Variants in PAPOLA observed in about 807,000 individuals in gnomAD.
The protein encoded by PAPOLA is polynucleotide adenylyltransferase alpha.
In PAPOLA, 15 loss-of-function variants were observed where a neutral mutation model predicts 100.6. The observed-to-expected ratio is 0.15, with a 90% CI of 0.10 to 0.23. The LOEUF (loss-of-function observed/expected upper bound fraction) is 0.23. Ranked by LOEUF, PAPOLA falls within the 10% of genes least tolerant of loss-of-function variation. The pLI is 1.00. For synonymous variants in PAPOLA, 293 were observed against 300.0 expected (o/e 0.98, Z 0.24); for missense variants, 533 against 884.2 (o/e 0.60, Z 5.04).
intron 3 of PAPOLA, 110 bp downstream of exon 3, chr14:96,521,182 G>T (rs1389831749): frequency 1.5e-6 from 1 of 672,904 alleles, no homozygotes; most frequent in African/African-American, 1.8e-5. Flanking sequence ...CTTTAATGTG[G>T]AGTCAATTTT....
At chr14:96,512,395 T>A (rs1897162857) in intron 1 of PAPOLA, among the ~76,000 whole-genome samples, 1 of 152,112 alleles carries the variant, frequency 6.6e-6, no homozygotes, top group Non-Finnish European at 1.5e-5. Flanking sequence ...AATATATATC[T>A]TTATCTATAT....
chr14:96,524,566 G>C (rs1279695849), intron 3 of PAPOLA, among the ~76,000 whole-genome samples: 1 of 151,516 alleles, frequency 6.6e-6, no homozygotes, highest in Non-Finnish European at 1.5e-5. Context: ...CTGTCGCCCA[G>C]GCTAGAGTGC....
chr14:96,528,943 T>C (rs1183734547), intron 6 of PAPOLA, among the ~76,000 whole-genome samples: 3 of 152,200 alleles, frequency 2.0e-5, no homozygotes, highest in Non-Finnish European at 4.4e-5. Flanking sequence ...ATCTGTAATA[T>C]AAAGTATAAG....
Position 96,531,596 on chromosome 14 carries a change from A to C in PAPOLA, c.607+10A>C. On this transcript the variant is annotated intron_variant, in intron 7 of 21. Transcript: ENST00000216277. ...ATAAGAAGTCTTAACGGTATGAGAA[A>C]GCCTACTTCCTTTTGTGTACTTCAG... 1 of 1,593,632 alleles carries C rather than the reference A, an allele frequency of 6.3e-7. No homozygotes were observed.
chr14:96,563,671 T>G (rs1902051642), intron 21 of PAPOLA, among the ~76,000 whole-genome samples: 1 of 152,218 alleles, frequency 6.6e-6, no homozygotes, highest in Non-Finnish European at 1.5e-5. Flanking sequence ...TATTTTAACG[T>G]GATCATTTAA....
At chr14:96,532,086 T>C (rs1899067137) in intron 7 of PAPOLA, 2 of 1,296,274 alleles carry the variant, frequency 1.5e-6, no homozygotes, top group Non-Finnish European at 1.9e-6. Flanking sequence ...AGGTTACAGT[T>C]TACTTTGGTT....
At chr14:96,531,653 G>A in intron 7 of PAPOLA, 67 bp downstream of exon 7, 1 of 1,547,658 alleles carries the variant, frequency 6.5e-7, no homozygotes, top group Non-Finnish European at 8.7e-7. Flanking sequence ...TTTTACACAA[G>A]TTTTGTATTG....
chr14:96,511,776 G>A (rs1897125193), intron 1 of PAPOLA, among the ~76,000 whole-genome samples: 1 of 152,200 alleles, frequency 6.6e-6, no homozygotes, highest in African/African-American at 2.4e-5. Flanking sequence ...CTGACAAAAG[G>A]TAGATGAGAA....
rs891923257 is a variant in PAPOLA at position 96,533,133 on chromosome 14, CG to C, written c.836+487del. On this transcript the variant is annotated intron_variant, in intron 9 of 21. Coordinates refer to ENST00000216277, the MANE Select transcript of PAPOLA (RefSeq NM_032632.5). Reference sequence around the variant, plus strand: ...AAGAATAAATTAACATTAAGTGCTTCGGGACAAAAAAGGAATTTGAGATTAG... The same window carrying C: ...AAGAATAAATTAACATTAAGTGCTTCGGACAAAAAAGGAATTTGAGATTAG... The C allele has an allele frequency of 1.4e-5, 14 of 982,666 alleles. No individual in the cohort carries two copies. The African/African-American group carries it at 2.4e-4, about 17-fold the overall frequency. The allele number at this position is 982,666 out of a possible 1,614,324, so 60.9% of individuals were successfully genotyped here. A position where few individuals can be genotyped will look rare whatever the true frequency, so the allele number is the denominator to read the frequency against.
intron 3 of PAPOLA, 35 bp downstream of exon 3, chr14:96,521,107 T>C (rs773850999): frequency 3.1e-6 from 3 of 970,654 alleles, no homozygotes; most frequent in Non-Finnish European, 5.0e-6. Flanking sequence ...AATAATTTCA[T>C]ATATAGCCAA....
chr14:96,556,445 T>TG (rs759729958), intron 19 of PAPOLA, 32 bp downstream of exon 19: 2 of 1,338,874 alleles, frequency 1.5e-6, no homozygotes, highest in South Asian at 2.4e-5. Context: ...TAGTTAGCCA[T>TG]GGCAACACCA....
chr14:96,560,138 G>T (rs1901716458), intron 19 of PAPOLA, among the ~76,000 whole-genome samples: 1 of 152,114 alleles, frequency 6.6e-6, no homozygotes, highest in South Asian at 2.1e-4. Context: ...TAAGACCCAA[G>T]CAAGGCATTT....
rs897470056 is a variant in PAPOLA at position 96,535,614 on chromosome 14, A to C, written c.910-265A>C. 16 of 1,090,744 alleles carry C rather than the reference A, an allele frequency of 1.5e-5. No individual in the cohort carries two copies. In the African/African-American group the frequency reaches 2.5e-4, roughly 17 times the overall value. The allele number at this position is 1,090,744 out of a possible 1,614,324, so 67.6% of individuals were successfully genotyped here. A position where few individuals can be genotyped will look rare whatever the true frequency, so the allele number is the denominator to read the frequency against. On this transcript the variant is annotated intron_variant, in intron 10 of 21. Coordinates refer to ENST00000216277, the MANE Select transcript of PAPOLA (RefSeq NM_032632.5). The stretch of plus-strand genomic sequence containing the variant: ...AAACATCAATAGATTCCCAAGCAGA[A>C]CTTTTTTGTTGTTGTTCAGCAGGCA...
At chr14:96,546,354 C>T (rs11850090) in intron 15 of PAPOLA, among the ~76,000 whole-genome samples, 5,532 of 152,142 alleles carry the variant, frequency 0.036, 151 homozygotes, top group African/African-American at 0.074. Context: ...GCCCTTGCCC[C>T]CTTCAGCTGT....
intron 1 of PAPOLA, among the ~76,000 whole-genome samples, chr14:96,507,368 A>G (rs1336943646): frequency 7.3e-6 from 1 of 137,082 alleles, no homozygotes; most frequent in Non-Finnish European, 1.5e-5. Context: ...GCTCACTGCA[A>G]GCTCCGTCTT....
At position 96,527,961 on chromosome 14, in the gene PAPOLA, A is replaced by C. The variant is rs774557111; in HGVS notation, c.450A>C (p.Glu150Asp). Residue 150 changes from glutamate to aspartate, a missense_variant, in exon 6 of 22, where the codon GAA becomes GAC. Glu to Asp is a conservative substitution (Grantham distance 45, BLOSUM62 2). This residue lies in a region of PAPOLA where 54 missense variants were observed against 133.2 expected (regional missense o/e 0.41). Transcript: ENST00000216277. ...GTTTACTTTCCTTATAGGCTGTTGA[A>C]GAGGCATTCGTACCAGTTATTAAAC... is the stretch of plus-strand genomic sequence containing the variant. ...QEEVKDLRAV[E>D]EAFVPVIKLC... 1 of 1,606,988 alleles carries C rather than the reference A, an allele frequency of 6.2e-7. No individual in the cohort carries two copies. Among genetic ancestry groups the C allele is most frequent in the Non-Finnish European group, 8.5e-7 (1 of 1,173,624 alleles).
chr14:96,559,909 T>C (rs1269139692), intron 19 of PAPOLA, among the ~76,000 whole-genome samples: 5 of 152,068 alleles, frequency 3.3e-5, no homozygotes, highest in African/African-American at 1.2e-4. Context: ...TCCATAGTTT[T>C]ACATATCAGT....
intron 1 of PAPOLA, among the ~76,000 whole-genome samples, chr14:96,513,805 AT>A (rs1340262311): frequency 6.6e-6 from 1 of 152,092 alleles, no homozygotes; most frequent in East Asian, 1.9e-4. Flanking sequence ...AGCTGCATGT[AT>A]TTTCTCCTTT....
intron 20 of PAPOLA, among the ~76,000 whole-genome samples, chr14:96,561,827 C>CA (rs1901865851): frequency 2.2e-5 from 3 of 134,286 alleles, no homozygotes; most frequent in Non-Finnish European, 3.3e-5. Flanking sequence ...AACAATATTT[C>CA]GTTTTTTTTT....
Sources: gnomAD v4.1 joint callset for allele counts (sites outside exome capture counted in the v4.1 genomes callset) on GRCh38, gnomAD v4.1.1 for gene constraint, gnomAD v4.1.1 regional missense constraint, MANE v1.5 for transcripts, NCBI Gene and HGNC (gene_info 2026-07-23, HGNC 2026-07-21) for gene names.